Variants in ANKRD24 observed in about 807,000 individuals in gnomAD.
The protein encoded by ANKRD24 is ankyrin repeat domain 24.
ANKRD24 carries 109 observed loss-of-function variants against 127.8 expected under a neutral mutation model. The ratio of observed to expected loss-of-function variants is 0.85; its 90% CI spans 0.73 to 1.00. The LOEUF is 1.00. Ranked by LOEUF, ANKRD24 falls within the 50% of genes least tolerant of loss-of-function variation. The probability of loss-of-function intolerance (pLI) is 0.00; values close to 1 mark genes in which losing one functional copy is unlikely to be tolerated. For missense variants in ANKRD24, 1,648 were observed against 1,570.2 expected (o/e 1.05, Z -0.84); for synonymous variants, 743 against 671.1 (o/e 1.11, Z -1.66).
At chr19:4,213,242 C>T (rs1388556032) in intron 15 of ANKRD24, among the ~76,000 whole-genome samples, 5 of 93,282 alleles carry the variant, frequency 5.4e-5, no homozygotes, top group African/African-American at 8.8e-5. Context: ...TCCCTCCCTC[C>T]TTCCTTCCTT....
intron 15 of ANKRD24, among the ~76,000 whole-genome samples, chr19:4,215,284 G>A (rs1396066442): frequency 5.3e-5 from 8 of 152,322 alleles, no homozygotes; most frequent in African/African-American, 1.7e-4. Context: ...TCAGGAGTCC[G>A]AGACCAGCCT....
chr19:4,217,402 G>A lies in ANKRD24; in HGVS notation c.2242G>A (p.Glu748Lys). ...QREREAAAEL[E>K]AALGKCEAAE... is the part of the protein sequence containing the mutation. ...GGAGCGGGAGGCAGCTGCGGAGCTG[G>A]AGGCGGCCCTGGGGAAGTGCGAGGC... Residue 748 changes from glutamate (E) to lysine (K), a missense_variant, in exon 18 of 22, where the codon GAG becomes AAG. Glu to Lys is a moderately conservative substitution (Grantham distance 56). Transcript: ENST00000318934. The A allele has an allele frequency of 1.3e-6, 2 of 1,549,880 alleles. No homozygotes were observed. The highest frequency in any genetic ancestry group is 1.7e-6 in the Non-Finnish European group (2 of 1,146,822).
At position 4,199,621 on chromosome 19, in the gene ANKRD24, G is replaced by T. The variant is rs1344185066; in HGVS notation, c.37-62G>T. 6.8e-7 allele frequency: 1 copy of T among 1,475,712 alleles called. No homozygotes were observed. The highest frequency in any genetic ancestry group is 8.9e-7 in the Non-Finnish European group (1 of 1,118,914). 91.4% of individuals were successfully genotyped at this position (1,475,712 alleles called of 1,614,324 possible). ...GATGGGCCTGGGGGCAGATGCTGGG[G>T]GTCGCAGGCTTGGGGGACACTGTCT... On this transcript the variant is annotated intron_variant, in intron 2 of 21. Transcript: ENST00000318934. This position sits in a 1 kb window ranked among gnomAD's most constrained non-coding sequence, Gnocchi z 5.2.
chr19:4,185,384 C>G (rs532879974), intron 1 of ANKRD24, among the ~76,000 whole-genome samples: 3 of 151,926 alleles, frequency 2.0e-5, no homozygotes, highest in African/African-American at 4.8e-5. Flanking sequence ...GTGGTAAATG[C>G]GTGGAAGGGT....
In ANKRD24 at chr19:4,195,459, G is replaced by C. The variant is rs551911337; in HGVS notation, c.37-4224G>C. Among the ~76,000 whole-genome samples, 1 of 152,060 alleles carries C rather than the reference G, an allele frequency of 6.6e-6. No individual in the cohort carries two copies. The highest frequency in any genetic ancestry group is 1.5e-5 in the Non-Finnish European group (1 of 68,008). ...AGCCCTGAGCTGGGAGATCCGTTTC[G>C]GTCTCTTCTCTGGAGAAGCTCAGAG... On this transcript the variant is annotated intron_variant, in intron 2 of 21. Coordinates refer to ENST00000318934, the MANE Select transcript of ANKRD24 (RefSeq NM_001393985.1). This position sits in a 1 kb window ranked among gnomAD's most constrained non-coding sequence, Gnocchi z 4.2.
intron 2 of ANKRD24, among the ~76,000 whole-genome samples, chr19:4,194,467 C>T (rs1007450442): frequency 2.6e-5 from 4 of 152,110 alleles, no homozygotes; most frequent in Non-Finnish European, 5.9e-5. Context: ...ATGTGAATTT[C>T]ATATCATTTT....
chr19:4,204,959 C>T (rs1005787492), intron 7 of ANKRD24, among the ~76,000 whole-genome samples: 5 of 152,096 alleles, frequency 3.3e-5, no homozygotes, highest in African/African-American at 1.2e-4. Context: ...AAATTAAGGC[C>T]GGGTGCAGTG....
chr19:4,222,597 C>G (rs1423328972), intron 19 of ANKRD24, 73 bp from the exon 20 acceptor site: 3 of 1,454,578 alleles, frequency 2.1e-6, no homozygotes, highest in Non-Finnish European at 2.7e-6. Context: ...TGGCCTCTTC[C>G]TGCGGCTGCA....
rs1205369897 is a variant in ANKRD24 at position 4,224,422 on chromosome 19, C to T, written c.3364-6C>T. Reference sequence around the variant, plus strand: ...TCAGGGTCTTCCTCTACTCCCCCAACCCTAGGGCCAGATGGATGAAGATGT... The same window carrying T: ...TCAGGGTCTTCCTCTACTCCCCCAATCCTAGGGCCAGATGGATGAAGATGT... On this transcript the variant is annotated splice_region_variant and splice_polypyrimidine_tract_variant and intron_variant, in intron 21 of 21. Coordinates refer to ENST00000318934, the MANE Select transcript of ANKRD24 (RefSeq NM_001393985.1). 1 of 1,613,142 alleles carries T rather than the reference C, an allele frequency of 6.2e-7. No individual in the cohort carries two copies. The highest frequency in any genetic ancestry group is 1.7e-5 in the Admixed American group (1 of 59,864).
At chr19:4,186,823 C>T (rs1404138123) in intron 2 of ANKRD24, among the ~76,000 whole-genome samples, 1 of 152,156 alleles carries the variant, frequency 6.6e-6, no homozygotes, top group East Asian at 1.9e-4. Flanking sequence ...TGATCTTTTG[C>T]TTTGGTGTGT....
chr19:4,223,399 A>T (rs199728296), intron 20 of ANKRD24, among the ~76,000 whole-genome samples: 5,990 of 55,842 alleles, frequency 0.11, 444 homozygotes, highest in African/African-American at 0.15. Context: ...ATATATATAT[A>T]TATTTTTTTT....
At position 4,216,732 on chromosome 19, in the gene ANKRD24, A is replaced by T. The variant is rs1470418502; in HGVS notation, c.1572A>T (p.Ala524=). Residue 524 remains alanine (A), a synonymous_variant, in exon 18 of 22, where the codon GCA becomes GCT. Transcript: ENST00000318934. ...ETREVPREEG[A]ACGESEVAGA... ...GAGAGGTCCCCAGAGAAGAGGGGGC[A>T]GCCTGTGGGGAGAGTGAGGTTGCTG... The T allele has an allele frequency of 2.5e-6, 4 of 1,578,074 alleles. No homozygotes were observed. The highest frequency in any genetic ancestry group is 3.4e-6 in the Non-Finnish European group (4 of 1,162,472).
intron 7 of ANKRD24, 21 bp from the exon 8 acceptor site, chr19:4,207,221 A>G (rs1969441007): frequency 6.2e-7 from 1 of 1,612,220 alleles, no homozygotes; most frequent in African/African-American, 1.3e-5. Flanking sequence ...ACCGCACCGG[A>G]CAACCTTTTC....
rs1326991748 is a variant in ANKRD24, at chr19:4,222,686, A to G, written c.3188A>G (p.Lys1063Arg). The change falls in exon 20 of 22, where the codon AAA becomes AGA. Residue 1063 changes from lysine to arginine, a missense_variant. Lys to Arg is a conservative substitution (Grantham distance 26). Coordinates refer to ENST00000318934, the MANE Select transcript of ANKRD24 (RefSeq NM_001393985.1). ...CACCCTCAGATCACAGAACTCTCCA[A>G]AGAAGTCTTCAATCTTAAGGAAGCC... ...EKDKKITELS[K>R]EVFNLKEALK... 2 of 1,610,536 alleles carry G rather than the reference A, an allele frequency of 1.2e-6. No homozygotes were observed. The highest frequency in any genetic ancestry group is 4.5e-5 in the East Asian group (2 of 44,702).
rs762041367 is a variant in ANKRD24 at position 4,216,914 on chromosome 19, AGGCCACGGGAGCTG to A, written c.1755_1768del (p.Ala586GlyfsTer15). ...ATGGAAGCTGAGGCCACGGGAGCCG[AGGCCACGGGAGCTG>A]AGGCCACAGGAGCCAAGGTCACAGA... On this transcript the variant is annotated frameshift_variant, in exon 18 of 22. Coordinates refer to ENST00000318934, the MANE Select transcript of ANKRD24 (RefSeq NM_001393985.1). LOFTEE classifies it high-confidence loss of function. The A allele has an allele frequency of 6.3e-5, 101 of 1,610,022 alleles. No homozygotes were observed. The highest frequency in any genetic ancestry group is 5.0e-4 in the Middle Eastern group (3 of 6,060).
In ANKRD24 at chr19:4,224,643, C is replaced by T. The variant is rs1970641481; in HGVS notation, c.*138C>T. ...TGCACTTGGAGACCAGCCTGGTTCC[C>T]TGCCCGACCACCCCCAGCTGGCTCC... On this transcript the variant is annotated 3_prime_UTR_variant, in exon 22 of 22. Transcript: ENST00000318934. 1 of 794,354 alleles carries T rather than the reference C, an allele frequency of 1.3e-6. No homozygotes were observed. Among genetic ancestry groups the T allele is most frequent in the Admixed American group, 2.2e-5 (1 of 45,348 alleles). 49.2% of individuals were successfully genotyped at this position (794,354 alleles called of 1,614,324 possible). A position where few individuals can be genotyped will look rare whatever the true frequency, so the allele number is the denominator to read the frequency against.
chr19:4,210,863 C>T (rs541687359), intron 13 of ANKRD24, among the ~76,000 whole-genome samples: 1 of 147,002 alleles, frequency 6.8e-6, no homozygotes, highest in East Asian at 2.1e-4. Context: ...GACGGAGTCT[C>T]GCTCTTGTTG....
intron 1 of ANKRD24, among the ~76,000 whole-genome samples, chr19:4,183,874 C>T (rs1352511974): frequency 6.6e-6 from 1 of 152,140 alleles, no homozygotes; most frequent in East Asian, 1.9e-4. Context: ...CGCCATTGCA[C>T]TCCAGCCTGG....
At position 4,221,117 on chromosome 19, in the gene ANKRD24, C is replaced by T. The variant is rs576687499; in HGVS notation, c.3171+1359C>T. On this transcript the variant is annotated intron_variant, in intron 19 of 21. Transcript: ENST00000318934. ...TTTTTGAGAGAAAGTTTCACTCTGT[C>T]GCTCAGGGTGAAGTACAGTGGCATG... Among the ~76,000 whole-genome samples, 10 of 151,486 alleles carry T rather than the reference C, an allele frequency of 6.6e-5. No individual in the cohort carries two copies. The South Asian group carries it at 1.7e-3, about 25-fold the overall frequency.
Sources: gnomAD v4.1 joint callset for allele counts (sites outside exome capture counted in the v4.1 genomes callset) on GRCh38, gnomAD v4.1.1 for gene constraint, Gnocchi (gnomAD v3.1) non-coding constraint, MANE v1.5 for transcripts, NCBI Gene and HGNC (gene_info 2026-07-23, HGNC 2026-07-21) for gene names.